ZKSCAN7: variants seen among roughly 807,000 people sequenced by gnomAD.
ZKSCAN7 encodes the protein zinc finger protein with KRAB and SCAN domains 7.
Under a neutral mutation model 65.3 loss-of-function variants are expected in ZKSCAN7, and 38 were observed. The ratio of observed to expected loss-of-function variants is 0.58; its 90% CI spans 0.45 to 0.76. The LOEUF (loss-of-function observed/expected upper bound fraction) is 0.76. ZKSCAN7 is among the 30% of genes least tolerant of loss of function. The pLI, the probability that ZKSCAN7 is intolerant of heterozygous loss-of-function variation, is 0.00. For missense variants in ZKSCAN7, 815 were observed against 913.3 expected (o/e 0.89, Z 1.39); for synonymous variants, 321 against 321.0 (o/e 1.00, Z 0.00).
chr3:44,562,422 C>T (rs1237521325), intron 2 of ZKSCAN7, among the ~76,000 whole-genome samples: 1 of 152,212 alleles, frequency 6.6e-6, no homozygotes, highest in African/African-American at 2.4e-5. Context: ...CTCTAAAATG[C>T]CCTGGAGACG....
intron 5 of ZKSCAN7, 70 bp downstream of exon 5, chr3:44,568,503 CTT>C: frequency 6.5e-7 from 1 of 1,549,684 alleles, no homozygotes; most frequent in Non-Finnish European, 8.7e-7. Flanking sequence ...TTCCTTGTCT[CTT>C]TAAACTTTTT....
chr3:44,580,938 T>C, intron 5 of ZKSCAN7: 1 of 1,612,770 alleles, frequency 6.2e-7, no homozygotes, highest in Middle Eastern at 2.0e-4. Context: ...GAGATGCGAC[T>C]CGCGGGGCTG....
intron 5 of ZKSCAN7, chr3:44,578,269 G>C: frequency 6.4e-7 from 1 of 1,570,572 alleles, no homozygotes; most frequent in Non-Finnish European, 8.8e-7. Flanking sequence ...CATCCTTGAG[G>C]GAGCTAATCT....
intron 5 of ZKSCAN7, among the ~76,000 whole-genome samples, chr3:44,581,214 G>A (rs1345091812): frequency 6.8e-6 from 1 of 147,218 alleles, no homozygotes; most frequent in Admixed American, 6.8e-5. Flanking sequence ...CAGCGCGCGC[G>A]ACGCCCAGCT....
chr3:44,559,718 C>T (rs375081478), intron 2 of ZKSCAN7, among the ~76,000 whole-genome samples: 3 of 152,220 alleles, frequency 2.0e-5, no homozygotes, highest in South Asian at 2.1e-4. Flanking sequence ...TGAGCCATCA[C>T]GCTCAGCCTA....
At chr3:44,581,950 A>G (rs765277207) in intron 5 of ZKSCAN7, among the ~76,000 whole-genome samples, 4 of 152,184 alleles carry the variant, frequency 2.6e-5, no homozygotes, top group African/African-American at 9.7e-5. Flanking sequence ...CAGAGCGTGC[A>G]TTCCTGAAAA....
chr3:44,557,044 C>A lies in ZKSCAN7; in HGVS notation c.-4C>A, dbSNP rs1226367642. 3.7e-6 allele frequency: 6 copies of A among 1,613,988 alleles called. No homozygotes were observed. The Admixed American group carries it at 8.3e-5, about 22-fold the overall frequency. On this transcript the variant is annotated 5_prime_UTR_variant, in exon 2 of 6. Transcript: ENST00000426540. ...GCTGTAACAAGCTTCTCTTTGGGGT[C>A]ACAATGACCACTGCAGGCAGGGGAA...
At chr3:44,562,632 TGGA>T (rs1559424349) in intron 2 of ZKSCAN7, among the ~76,000 whole-genome samples, 1 of 152,174 alleles carries the variant, frequency 6.6e-6, no homozygotes, top group Non-Finnish European at 1.5e-5. Flanking sequence ...CAAATATGAG[TGGA>T]CACTTTTAGA....
chr3:44,572,119 G>T lies in ZKSCAN7; in HGVS notation c.*744G>T. 1 of 983,474 alleles carries T rather than the reference G, an allele frequency of 1.0e-6. No homozygotes were observed. Among genetic ancestry groups the T allele is most frequent in the Non-Finnish European group, 1.2e-6 (1 of 828,320 alleles). The allele number at this position is 983,474 out of a possible 1,614,324, so 60.9% of individuals were successfully genotyped here. A position where few individuals can be genotyped will look rare whatever the true frequency, so the allele number is the denominator to read the frequency against. ...TTCTTTCCCATATAGATAGTATTTTGTACATACCAGTTGTTAAATAAATAA... is the reference window on the plus strand; with the variant it reads ...TTCTTTCCCATATAGATAGTATTTTTTACATACCAGTTGTTAAATAAATAA... On this transcript the variant is annotated 3_prime_UTR_variant, in exon 6 of 6. Coordinates refer to ENST00000426540, the MANE Select transcript of ZKSCAN7 (RefSeq NM_001288590.2).
downstream of ZKSCAN7, among the ~76,000 whole-genome samples, chr3:44,576,738 C>T (rs1308372105): frequency 6.6e-6 from 1 of 152,164 alleles, no homozygotes; most frequent in Non-Finnish European, 1.5e-5. Context: ...TGTAACTCTG[C>T]ACTTCAGCAG....
chr3:44,568,129 C>T (rs1699686687), intron 4 of ZKSCAN7, 126 bp downstream of exon 4: 2 of 1,544,798 alleles, frequency 1.3e-6, no homozygotes, highest in Non-Finnish European at 1.8e-6. Flanking sequence ...CTCATTACTT[C>T]CCCTGGAGGT....
intron 4 of ZKSCAN7, 130 bp from the exon 5 acceptor site, chr3:44,568,177 G>T: frequency 6.5e-7 from 1 of 1,537,274 alleles, no homozygotes; most frequent in Non-Finnish European, 8.8e-7. Context: ...TCCTTTTCGA[G>T]GTGTCATCTC....
At chr3:44,577,191 C>T (rs906323239) in intron 5 of ZKSCAN7, among the ~76,000 whole-genome samples, 1 of 152,124 alleles carries the variant, frequency 6.6e-6, no homozygotes, top group African/African-American at 2.4e-5. Context: ...TAGACTTGAA[C>T]CCCTGGCCTC....
At chr3:44,582,120 G>C (rs530121646) in intron 5 of ZKSCAN7, among the ~76,000 whole-genome samples, 2 of 152,226 alleles carry the variant, frequency 1.3e-5, no homozygotes, top group Non-Finnish European at 2.9e-5. Flanking sequence ...TACAGGGAAG[G>C]TGTTAACGAT....
At chr3:44,567,762 CCA>C in intron 3 of ZKSCAN7, 148 bp from the exon 4 acceptor site, 1 of 560,904 alleles carries the variant, frequency 1.8e-6, no homozygotes, top group Non-Finnish European at 3.3e-6. Flanking sequence ...AAAATTCACA[CCA>C]CTCTTGGGAT....
At chr3:44,580,042 G>T in intron 5 of ZKSCAN7, 1 of 1,577,726 alleles carries the variant, frequency 6.3e-7, no homozygotes, top group Non-Finnish European at 8.7e-7. Flanking sequence ...CGGCCCTGGC[G>T]TGTGTCACTG....
intron 5 of ZKSCAN7, chr3:44,579,966 A>T (rs977810684): frequency 4.3e-5 from 60 of 1,397,800 alleles, no homozygotes; most frequent in Admixed American, 5.4e-5. Context: ...GGCGTCTGGG[A>T]GAGGAGCTTG....
chr3:44,573,542 AATAT>A (rs1411084805), downstream of ZKSCAN7, among the ~76,000 whole-genome samples: 2 of 152,186 alleles, frequency 1.3e-5, no homozygotes, highest in Admixed American at 1.3e-4. Context: ...GCCACTTATG[AATAT>A]ATATTTTAAA....
In ZKSCAN7 at chr3:44,569,998, G is replaced by T; in HGVS notation, c.888G>T (p.Arg296Ser). The T allele has an allele frequency of 6.2e-7, 1 of 1,609,368 alleles. No individual in the cohort carries two copies. Among genetic ancestry groups the T allele is most frequent in the Non-Finnish European group, 8.5e-7 (1 of 1,178,368 alleles). The change falls in exon 6 of 6, where the codon AGG (arginine) becomes AGT (serine). Residue 296 changes from arginine (R) to serine (S), a missense_variant. Arg to Ser is a moderately radical substitution (Grantham distance 110, BLOSUM62 -1). This residue lies in a region of ZKSCAN7 where 578 missense variants were observed against 629.5 expected (regional missense o/e 0.92). Transcript: ENST00000426540. Reference protein sequence around the residue: ...EFFKGSESSNRTSGGLFGVVP... With the variant: ...EFFKGSESSNSTSGGLFGVVP... ...TTAAAGGATCAGAGTCATCTAACAG[G>T]ACATCAGGGGGACTCTTTGGGGTGG...
Sources: allele counts gnomAD v4.1 joint callset (sites outside exome capture counted in the v4.1 genomes callset), GRCh38; gene constraint gnomAD v4.1.1; regional missense constraint gnomAD v4.1.1; transcripts MANE v1.5; gene names NCBI Gene and HGNC (gene_info 2026-07-23, HGNC 2026-07-21).